The following TSKS variants were observed in gnomAD, a reference collection of about 807,000 sequenced individuals.
TSKS encodes the protein testis-specific serine kinase substrate.
A neutral mutation model predicts 68.0 loss-of-function variants in TSKS; 27 were observed. The observed-to-expected ratio is 0.40, with a 90% CI of 0.29 to 0.55. The LOEUF is 0.55. TSKS is among the 20% of genes least tolerant of loss of function. The pLI, the probability that TSKS is intolerant of heterozygous loss-of-function variation, is 0.53. For missense variants in TSKS, 806 were observed against 776.0 expected, an observed-to-expected ratio of 1.04 and a Z score of -0.46; for synonymous variants, 331 against 340.4, an observed-to-expected ratio of 0.97 and a Z score of 0.30.
intron 9 of TSKS, 177 bp from the exon 10 acceptor site, chr19:49,740,360 C>T: frequency 1.4e-6 from 1 of 708,802 alleles, no homozygotes; most frequent in South Asian, 2.0e-5. Flanking sequence ...CACTGGTCTC[C>T]AGATTCCGCT....
rs1229877663 is a variant in TSKS, at chr19:49,763,251, G to A, written c.-4C>T. On this transcript the variant is annotated 5_prime_UTR_variant, in exon 1 of 11. Coordinates refer to ENST00000246801, the MANE Select transcript of TSKS (RefSeq NM_021733.2). This position sits in a 1 kb window ranked among gnomAD's most constrained non-coding sequence, Gnocchi z 4.5. ...TCTTCACCACCACGCTCGCCATGGT[G>A]TGGGGGTCTGGCTCCCAGGGAGGGG... is the stretch of plus-strand genomic sequence containing the variant. 1.3e-6 allele frequency: 2 copies of A among 1,488,242 alleles called. No individual in the cohort carries two copies. Among genetic ancestry groups the A allele is most frequent in the Non-Finnish European group, 1.8e-6 (2 of 1,120,900 alleles). 92.2% of individuals were successfully genotyped at this position (1,488,242 alleles called of 1,614,324 possible). A position where few individuals can be genotyped will look rare whatever the true frequency, so the allele number is the denominator to read the frequency against.
chr19:49,740,788 A>G (rs1014719128), intron 9 of TSKS, among the ~76,000 whole-genome samples: 2 of 152,052 alleles, frequency 1.3e-5, no homozygotes, highest in African/African-American at 4.8e-5. Flanking sequence ...GGAGGCTGAG[A>G]CACGAGAATC....
At chr19:49,759,434 A>C (rs1421557898) in intron 2 of TSKS, among the ~76,000 whole-genome samples, 1 of 148,828 alleles carries the variant, frequency 6.7e-6, no homozygotes. Context: ...ACACCACTGC[A>C]CTGCAGCCTG....
At chr19:49,759,085 G>A (rs1013517106) in intron 2 of TSKS, among the ~76,000 whole-genome samples, 7 of 151,792 alleles carry the variant, frequency 4.6e-5, no homozygotes, top group African/African-American at 1.2e-4. Flanking sequence ...TGGAATTACC[G>A]ACCTCAGGTG....
chr19:49,743,323 C>T (rs146443893), intron 8 of TSKS, among the ~76,000 whole-genome samples: 208 of 151,708 alleles, frequency 1.4e-3, no homozygotes, highest in African/African-American at 4.7e-3. Context: ...AGTGATCTGC[C>T]CGTCTTGGCC....
At chr19:49,746,828 C>T (rs1217053003) in intron 5 of TSKS, 30 bp from the exon 6 acceptor site, 3 of 1,585,048 alleles carry the variant, frequency 1.9e-6, no homozygotes, top group Middle Eastern at 2.0e-4. Flanking sequence ...GGGGTCACAG[C>T]GTCCAGCCGC....
Position 49,739,830 on chromosome 19 carries a change from TC to T in TSKS, c.1724del (p.Gly575GlufsTer?). 1 of 1,610,376 alleles carries T rather than the reference TC, an allele frequency of 6.2e-7. No homozygotes were observed. The highest frequency in any genetic ancestry group is 8.5e-7 in the Non-Finnish European group (1 of 1,176,848). On this transcript the variant is annotated frameshift_variant, in exon 11 of 11. Transcript: ENST00000246801. LOFTEE classifies it high-confidence loss of function. ...TTGGGGGGGTTCCTGCACTGCTGCCTCCCCCCATTGTTCCCGTGGACCCCTC... is the reference window on the plus strand; with the variant it reads ...TTGGGGGGGTTCCTGCACTGCTGCCTCCCCCATTGTTCCCGTGGACCCCTC... The part of the protein sequence containing the change: ...PLEGSTGTMG[G>X]GSSAGTPPKQ...
chr19:49,744,095 T>C, intron 8 of TSKS, 136 bp downstream of exon 8: 1 of 858,550 alleles, frequency 1.2e-6, no homozygotes, highest in Non-Finnish European at 1.8e-6. Context: ...CAGGACCGGC[T>C]GTTTCTACAA....
intron 2 of TSKS, among the ~76,000 whole-genome samples, chr19:49,750,037 C>T (rs929675394): frequency 1.3e-5 from 2 of 151,774 alleles, no homozygotes; most frequent in African/African-American, 4.8e-5. Context: ...CTTTTTCTCT[C>T]ATTTCACTGG....
Position 49,746,527 on chromosome 19 carries a change from C to T in TSKS, c.935G>A (p.Gly312Asp). 1 of 1,613,732 alleles carries T rather than the reference C, an allele frequency of 6.2e-7. No individual in the cohort carries two copies. Among genetic ancestry groups the T allele is most frequent in the Non-Finnish European group, 8.5e-7 (1 of 1,179,930 alleles). ...CAATTCCTGCTCGCTCACGTAGGGG[C>T]CCTCGCCAGCCCGAGGCCCCATTCC... ...GWGMGPRAGE[G>D]PYVSEQELQK... Residue 312 changes from glycine to aspartate, a missense_variant, in exon 6 of 11, where the codon GGC becomes GAC. Coordinates refer to ENST00000246801, the MANE Select transcript of TSKS (RefSeq NM_021733.2).
Position 49,740,146 on chromosome 19 carries a change from G to T in TSKS, c.1535C>A (p.Ala512Glu). 1 of 1,613,990 alleles carries T rather than the reference G, an allele frequency of 6.2e-7. No individual in the cohort carries two copies. Residue 512 changes from alanine (A) to glutamate (E), a missense_variant, in exon 10 of 11, where the codon GCA (alanine) becomes GAA (glutamate). Coordinates refer to ENST00000246801, the MANE Select transcript of TSKS (RefSeq NM_021733.2). ...CCGAAGGGTGGAGCTCAGGGCCTCT[G>T]CCCTGACGTGTTTGGCTAAGGCCTG... The part of the protein sequence containing the change: ...ERQALAKHVR[A>E]EALSSTLRLA...
At chr19:49,754,369 C>T (rs1454845583) in intron 2 of TSKS, among the ~76,000 whole-genome samples, 1 of 151,642 alleles carries the variant, frequency 6.6e-6, no homozygotes, top group African/African-American at 2.4e-5. Context: ...CATGGTGGTG[C>T]ACACCTGTAA....
Position 49,763,174 on chromosome 19 carries a change from AC to A in TSKS, c.73del (p.Val25TrpfsTer7). On this transcript the variant is annotated frameshift_variant, in exon 1 of 11. Transcript: ENST00000246801. LOFTEE classifies it high-confidence loss of function. This position sits in a 1 kb window ranked among gnomAD's most constrained non-coding sequence, Gnocchi z 4.5. ...TGGGACTAGCTGGGAGCAGCTCTCC[AC>A]CCCCGTGGGGGTGTCCCCGGCCTCA... ...IHEAGDTPTGVESCSQLVPEA... is the reference protein window; with the variant it reads ...IHEAGDTPTGXESCSQLVPEA... The A allele has an allele frequency of 1.2e-6, 2 of 1,601,110 alleles. No individual in the cohort carries two copies. The highest frequency in any genetic ancestry group is 1.7e-5 in the Admixed American group (1 of 58,222).
chr19:49,744,276 A>C lies in TSKS; in HGVS notation c.1316T>G (p.Met439Arg), dbSNP rs1315830129. 1 of 1,614,002 alleles carries C rather than the reference A, an allele frequency of 6.2e-7. No homozygotes were observed. The highest frequency in any genetic ancestry group is 8.5e-7 in the Non-Finnish European group (1 of 1,180,020). ...QNSRRGPDLS[M>R]NLDRSHQGNC... The stretch of plus-strand genomic sequence containing the variant: ...GCCTTGGTGGGACCGATCCAGGTTC[A>C]TGGAGAGGTCAGGCCCTCTTCGAGA... Residue 439 changes from methionine (M) to arginine (R), a missense_variant, in exon 8 of 11, where the codon ATG (methionine) becomes AGG (arginine). Transcript: ENST00000246801.
chr19:49,748,222 G>A (rs1289523286), intron 3 of TSKS, 54 bp from the exon 4 acceptor site: 24 of 1,599,078 alleles, frequency 1.5e-5, no homozygotes, highest in Non-Finnish European at 2.0e-5. Context: ...ACAGCCTGTG[G>A]AAAAGAAGAT....
chr19:49,761,988 T>C lies in TSKS; in HGVS notation c.399+16A>G, dbSNP rs1211545900. 1.3e-6 allele frequency: 2 copies of C among 1,599,596 alleles called. No individual in the cohort carries two copies. The highest frequency in any genetic ancestry group is 1.7e-6 in the Non-Finnish European group (2 of 1,168,890). On this transcript the variant is annotated intron_variant, in intron 2 of 10. Transcript: ENST00000246801. The stretch of plus-strand genomic sequence containing the variant: ...GACCTCGGTCCTCCCCAGCGGGTGG[T>C]GTGGAGGGCCCTCACCAGGATTTCC...
intron 2 of TSKS, among the ~76,000 whole-genome samples, chr19:49,757,198 C>T (rs947219906): frequency 2.0e-5 from 3 of 152,168 alleles, no homozygotes; most frequent in Admixed American, 1.3e-4. Context: ...TATGAAGAGG[C>T]CCATGTAGCA....
chr19:49,747,456 A>T lies in TSKS; in HGVS notation c.596T>A (p.Val199Glu). Residue 199 changes from valine (V) to glutamate (E), a missense_variant, in exon 5 of 11, where the codon GTG becomes GAG. Physicochemically the swap from Val to Glu is moderately radical, Grantham distance 121. Coordinates refer to ENST00000246801, the MANE Select transcript of TSKS (RefSeq NM_021733.2). ...TTCAGCATCTTCCACAGACCGGGTC[A>T]CCTTCCAGCAGTTCTCCTGGGTCAG... The part of the protein sequence containing the change: ...CIQLKENCWK[V>E]TRSVEDAEIK... 6.2e-7 allele frequency: 1 copy of T among 1,614,172 alleles called. No homozygotes were observed. The highest frequency in any genetic ancestry group is 8.5e-7 in the Non-Finnish European group (1 of 1,180,036).
At chr19:49,740,943 C>G (rs1972031362) in intron 9 of TSKS, among the ~76,000 whole-genome samples, 1 of 151,472 alleles carries the variant, frequency 6.6e-6, no homozygotes, top group Non-Finnish European at 1.5e-5. Context: ...CTTTGGGAGG[C>G]TGAGGCAGGC....
Sources: gnomAD v4.1 joint callset for allele counts (sites outside exome capture counted in the v4.1 genomes callset) on GRCh38, gnomAD v4.1.1 for gene constraint, Gnocchi (gnomAD v3.1) non-coding constraint, MANE v1.5 for transcripts, NCBI Gene and HGNC (gene_info 2026-07-23, HGNC 2026-07-21) for gene names.